Variants in IGSF21 observed in about 807,000 individuals in gnomAD.
IGSF21 encodes the protein immunoglobin superfamily member 21, also known as immunoglobulin superfamily member 21.
IGSF21 carries 28 observed loss-of-function variants against 46.8 expected under a neutral mutation model. The observed-to-expected ratio is 0.60, with a 90% CI of 0.44 to 0.82. The LOEUF (loss-of-function observed/expected upper bound fraction) is 0.82, where lower values mean the gene tolerates loss of function less well. IGSF21 is among the 40% of genes least tolerant of loss of function. IGSF21 has a pLI of 0.00. For missense variants in IGSF21, 624 were observed against 665.5 expected (o/e 0.94, Z 0.69); for synonymous variants, 284 against 273.6 (o/e 1.04, Z -0.38).
intron 6 of IGSF21, among the ~76,000 whole-genome samples, chr1:18,366,891 G>A (rs1436085469): frequency 6.6e-6 from 1 of 152,172 alleles, no homozygotes; most frequent in Non-Finnish European, 1.5e-5. Context: ...CTCAGGGCAG[G>A]GAAAGGGGAG....
At chr1:18,140,606 G>A (rs1027587303) in intron 1 of IGSF21, among the ~76,000 whole-genome samples, 2 of 152,172 alleles carry the variant, frequency 1.3e-5, no homozygotes, top group African/African-American at 2.4e-5. Context: ...CTTCACAGTC[G>A]CGTGTCTGCT....
At chr1:18,340,651 G>A (rs907593194) in intron 4 of IGSF21, among the ~76,000 whole-genome samples, 1 of 152,188 alleles carries the variant, frequency 6.6e-6, no homozygotes, top group Non-Finnish European at 1.5e-5. Context: ...GCAATGTATT[G>A]TCTCACAGTG....
intron 1 of IGSF21, among the ~76,000 whole-genome samples, chr1:18,117,332 G>C (rs1311369488): frequency 6.6e-6 from 1 of 152,200 alleles, no homozygotes; most frequent in African/African-American, 2.4e-5. Flanking sequence ...CCCAGCCTGA[G>C]TGTGTACCTT....
At chr1:18,190,708 G>A (rs2086947207) in intron 1 of IGSF21, among the ~76,000 whole-genome samples, 2 of 152,244 alleles carry the variant, frequency 1.3e-5, no homozygotes, top group East Asian at 3.9e-4. Context: ...CGGGCAGAAG[G>A]CTGGCCACTT....
At chr1:18,179,546 T>C (rs914719428) in intron 1 of IGSF21, among the ~76,000 whole-genome samples, 1 of 152,232 alleles carries the variant, frequency 6.6e-6, no homozygotes, top group Non-Finnish European at 1.5e-5. Context: ...TTTTATTCAT[T>C]TTTTTCCCTG....
At chr1:18,350,498 CAA>C (rs1569857983) in intron 4 of IGSF21, among the ~76,000 whole-genome samples, 1 of 152,274 alleles carries the variant, frequency 6.6e-6, no homozygotes, top group East Asian at 1.9e-4. Context: ...AGATGCAATC[CAA>C]GAGATATTCA....
intron 4 of IGSF21, among the ~76,000 whole-genome samples, chr1:18,357,670 G>C (rs1557658704): frequency 6.6e-6 from 1 of 152,122 alleles, no homozygotes; most frequent in Non-Finnish European, 1.5e-5. Flanking sequence ...TAGAAAAGAA[G>C]AGGGCGATGC....
intron 1 of IGSF21, among the ~76,000 whole-genome samples, chr1:18,190,499 A>G (rs966647637): frequency 9.6e-6 from 1 of 103,820 alleles, no homozygotes; most frequent in African/African-American, 2.6e-5. Flanking sequence ...AATCCCTGCC[A>G]GGTCATCTGG....
intron 2 of IGSF21, among the ~76,000 whole-genome samples, chr1:18,242,275 C>A (rs574790337): frequency 3.2e-4 from 48 of 152,254 alleles, no homozygotes; most frequent in African/African-American, 1.1e-3. Context: ...CCTTCTCCCC[C>A]ACGCTGCCTC....
At position 18,373,833 on chromosome 1, in the gene IGSF21, C is replaced by A. The variant is rs1435195303; in HGVS notation, c.1016-2477C>A. Among the ~76,000 whole-genome samples, 7 of 152,214 alleles carry A rather than the reference C, an allele frequency of 4.6e-5. 1 individual carries two copies. The highest frequency in any genetic ancestry group is 4.6e-4 in the Admixed American group (7 of 15,286). On this transcript the variant is annotated intron_variant, in intron 6 of 9. Coordinates refer to ENST00000251296, the MANE Select transcript of IGSF21 (RefSeq NM_032880.5). ...ACCTGCACAATGGGTTTCGTGATAA[C>A]CTGCCTCGTAAGTACCAGAATGGTG...
intron 3 of IGSF21, among the ~76,000 whole-genome samples, chr1:18,315,939 T>C (rs1325149983): frequency 6.6e-6 from 1 of 152,092 alleles, no homozygotes; most frequent in Non-Finnish European, 1.5e-5. Flanking sequence ...TTTAATGAGA[T>C]GCTGTGTAGA....
chr1:18,294,345 A>G (rs995331693), intron 3 of IGSF21, among the ~76,000 whole-genome samples: 1 of 152,110 alleles, frequency 6.6e-6, no homozygotes, highest in Non-Finnish European at 1.5e-5. Context: ...CCACCATAAA[A>G]CAAAACAAAA....
At chr1:18,296,857 C>T (rs895876180) in intron 3 of IGSF21, among the ~76,000 whole-genome samples, 1 of 152,210 alleles carries the variant, frequency 6.6e-6, no homozygotes, top group African/African-American at 2.4e-5. Flanking sequence ...ATTCGATCTG[C>T]TCAGGAAGCG....
At chr1:18,208,395 A>ATATATTTT (rs369367032) in intron 1 of IGSF21, among the ~76,000 whole-genome samples, 1,843 of 123,724 alleles carry the variant, frequency 0.015, 79 homozygotes, top group East Asian at 0.036. Flanking sequence ...ATATATATAT[A>ATATATTTT]TTTTTTGAGA....
chr1:18,163,735 G>A (rs919593571), intron 1 of IGSF21, among the ~76,000 whole-genome samples: 16 of 152,146 alleles, frequency 1.1e-4, no homozygotes, highest in South Asian at 2.1e-4. Context: ...CCTGCCCAGC[G>A]CCTCTTTGGG....
chr1:18,261,076 A>G (rs1010092659), intron 2 of IGSF21, among the ~76,000 whole-genome samples: 2 of 152,186 alleles, frequency 1.3e-5, no homozygotes, highest in African/African-American at 4.8e-5. Context: ...GGAGCCTAGG[A>G]CTGCTGGAGC....
intron 1 of IGSF21, among the ~76,000 whole-genome samples, chr1:18,200,158 T>C (rs1335073712): frequency 1.3e-5 from 2 of 152,218 alleles, no homozygotes; most frequent in Non-Finnish European, 1.5e-5. Context: ...AACTGCATGA[T>C]GGTCACTTCC....
chr1:18,299,672 G>C (rs2085342964), intron 3 of IGSF21, among the ~76,000 whole-genome samples: 2 of 152,198 alleles, frequency 1.3e-5, no homozygotes, highest in South Asian at 2.1e-4. Context: ...CCAAGAATAC[G>C]CTCAGTTCCT....
At chr1:18,162,301 G>GCCTC (rs1478352362) in intron 1 of IGSF21, among the ~76,000 whole-genome samples, 1 of 152,160 alleles carries the variant, frequency 6.6e-6, no homozygotes, top group Non-Finnish European at 1.5e-5. Context: ...GCCTGCCTCT[G>GCCTC]CCTCCCCAAG....
Sources: allele counts gnomAD v4.1 joint callset (sites outside exome capture counted in the v4.1 genomes callset), GRCh38; gene constraint gnomAD v4.1.1; transcripts MANE v1.5; gene names NCBI Gene and HGNC (gene_info 2026-07-23, HGNC 2026-07-21).